Variants in ANGPT1 observed in about 807,000 individuals in gnomAD.
The protein encoded by ANGPT1 is angiopoietin-1.
Under a neutral mutation model 62.2 loss-of-function variants are expected in ANGPT1, and 17 were observed. The observed-to-expected ratio is 0.27, with a 90% CI of 0.19 to 0.41. ANGPT1 has a LOEUF of 0.41. ANGPT1 is among the 10% of genes least tolerant of loss of function. The probability of loss-of-function intolerance (pLI) is 1.00; values close to 1 mark genes in which losing one functional copy is unlikely to be tolerated. For synonymous variants in ANGPT1, 199 were observed against 198.9 expected (o/e 1.00, Z 0.00); for missense variants, 478 against 594.9 (o/e 0.80, Z 2.04).
intron 7 of ANGPT1, among the ~76,000 whole-genome samples, chr8:107,277,744 T>C (rs1422773457): frequency 6.6e-6 from 1 of 152,182 alleles, no homozygotes; most frequent in African/African-American, 2.4e-5. Flanking sequence ...TTAATCTGAA[T>C]CTAATCAGAA....
intron 1 of ANGPT1, among the ~76,000 whole-genome samples, chr8:107,422,748 T>C (rs75379139): frequency 0.023 from 3,428 of 152,318 alleles, 120 homozygotes; most frequent in African/African-American, 0.076. Flanking sequence ...TTAAACTTTT[T>C]ACTTAACCCA....
At chr8:107,406,151 A>G (rs1817144280) in intron 1 of ANGPT1, among the ~76,000 whole-genome samples, 1 of 151,800 alleles carries the variant, frequency 6.6e-6, no homozygotes, top group Non-Finnish European at 1.5e-5. Context: ...ATTTTATCAT[A>G]TGTGTTTGAG....
At chr8:107,462,156 T>A (rs1014556919) in intron 1 of ANGPT1, among the ~76,000 whole-genome samples, 1 of 151,978 alleles carries the variant, frequency 6.6e-6, no homozygotes, top group Non-Finnish European at 1.5e-5. Context: ...TTAAACCCTA[T>A]TGTTTAATTG....
At chr8:107,432,310 A>G (rs1325990156) in intron 1 of ANGPT1, among the ~76,000 whole-genome samples, 2 of 152,198 alleles carry the variant, frequency 1.3e-5, no homozygotes, top group South Asian at 2.1e-4. Context: ...AATAGGATTT[A>G]CTTTCCAGAG....
intron 5 of ANGPT1, 75 bp downstream of exon 5, chr8:107,303,165 A>G (rs1029026060): frequency 1.3e-6 from 2 of 1,533,002 alleles, no homozygotes; most frequent in African/African-American, 2.8e-5. Context: ...TAACAAGCTC[A>G]CAAATCAATC....
At chr8:107,281,183 AAT>A (rs1813995242) in intron 7 of ANGPT1, among the ~76,000 whole-genome samples, 1 of 152,082 alleles carries the variant, frequency 6.6e-6, no homozygotes, top group South Asian at 2.1e-4. Flanking sequence ...TCTTTTAATT[AAT>A]ATGTCAAGAG....
intron 5 of ANGPT1, among the ~76,000 whole-genome samples, chr8:107,296,533 T>G (rs1563555466): frequency 1.3e-5 from 2 of 152,024 alleles, no homozygotes. Context: ...TGAGAGAGAA[T>G]GCAGATTCCT....
chr8:107,406,625 TGTTGTGGA>T (rs1267245094), intron 1 of ANGPT1, among the ~76,000 whole-genome samples: 2 of 152,042 alleles, frequency 1.3e-5, no homozygotes, highest in Non-Finnish European at 2.9e-5. Flanking sequence ...TCTCATATTA[TGTTGTGGA>T]GTAAGATAAG....
At chr8:107,478,062 TG>T (rs1490191798) in intron 1 of ANGPT1, among the ~76,000 whole-genome samples, 1 of 127,540 alleles carries the variant, frequency 7.8e-6, no homozygotes. Flanking sequence ...ATATTTCTCC[TG>T]TTTTTTTTTT....
At chr8:107,376,003 T>G (rs1344472540) in intron 1 of ANGPT1, among the ~76,000 whole-genome samples, 1 of 152,204 alleles carries the variant, frequency 6.6e-6, no homozygotes. Flanking sequence ...ACCTCTTGCT[T>G]TCTTTATTCA....
At chr8:107,390,706 A>G (rs188660078) in intron 1 of ANGPT1, among the ~76,000 whole-genome samples, 1 of 152,210 alleles carries the variant, frequency 6.6e-6, no homozygotes, top group Admixed American at 6.5e-5. Context: ...CATTATTTAA[A>G]ATATTTTACA....
chr8:107,270,100 C>T (rs1267392354), intron 7 of ANGPT1, among the ~76,000 whole-genome samples: 1 of 151,964 alleles, frequency 6.6e-6, no homozygotes, highest in Non-Finnish European at 1.5e-5. Flanking sequence ...GATTCTAGAA[C>T]TTTCTTTTCT....
intron 8 of ANGPT1, among the ~76,000 whole-genome samples, chr8:107,263,078 C>T (rs1052593746): frequency 2.0e-5 from 3 of 151,588 alleles, no homozygotes; most frequent in Non-Finnish European, 2.9e-5. Context: ...TAGCCAGGTG[C>T]CATGGTGGCT....
chr8:107,420,721 G>A (rs1421274073), intron 1 of ANGPT1, among the ~76,000 whole-genome samples: 1 of 152,092 alleles, frequency 6.6e-6, no homozygotes, highest in Admixed American at 6.6e-5. Flanking sequence ...CATGGAGGAT[G>A]AATCACAAGA....
At position 107,249,986 on chromosome 8, in the gene ANGPT1, C is replaced by T. The variant is rs932373101; in HGVS notation, c.*1869G>A. The T allele has an allele frequency of 2.6e-5, 4 of 152,132 alleles. No homozygotes were observed. The South Asian group carries it at 6.2e-4, about 24-fold the overall frequency. 9.4% of individuals were successfully genotyped at this position (152,132 alleles called of 1,614,324 possible). A position where few individuals can be genotyped will look rare whatever the true frequency, so the allele number is the denominator to read the frequency against. On this transcript the variant is annotated 3_prime_UTR_variant, in exon 9 of 9. Coordinates refer to ENST00000517746, the MANE Select transcript of ANGPT1 (RefSeq NM_001146.5). ...AATGGTATAATACCTGCAAATATCA[C>T]TTGTAAGGCAAAAAGGGGTAGAATA...
At chr8:107,471,181 G>A (rs1356518839) in intron 1 of ANGPT1, among the ~76,000 whole-genome samples, 1 of 152,124 alleles carries the variant, frequency 6.6e-6, no homozygotes, top group African/African-American at 2.4e-5. Context: ...TAAAGAAAAT[G>A]TGGCACATAT....
chr8:107,269,138 T>C (rs1813682003), intron 7 of ANGPT1, among the ~76,000 whole-genome samples: 5 of 152,058 alleles, frequency 3.3e-5, no homozygotes. Context: ...GGAGAAACTA[T>C]GCAGTCCAGA....
chr8:107,278,247 T>C (rs921663930), intron 7 of ANGPT1, among the ~76,000 whole-genome samples: 3 of 152,002 alleles, frequency 2.0e-5, no homozygotes, highest in African/African-American at 7.2e-5. Context: ...AGTGAATGTT[T>C]GTTTTTTTAA....
intron 1 of ANGPT1, among the ~76,000 whole-genome samples, chr8:107,449,399 T>C (rs980187377): frequency 1.7e-4 from 10 of 58,112 alleles, no homozygotes; most frequent in Non-Finnish European, 3.2e-4. Context: ...CACACACACA[T>C]GCACACACAC....
Sources: allele counts gnomAD v4.1 joint callset (sites outside exome capture counted in the v4.1 genomes callset), GRCh38; gene constraint gnomAD v4.1.1; transcripts MANE v1.5; gene names NCBI Gene and HGNC (gene_info 2026-07-23, HGNC 2026-07-21).